The following ADGRB3 variants were observed in gnomAD, a reference collection of about 807,000 sequenced individuals.
ADGRB3 encodes the protein adhesion G protein-coupled receptor B3.
ADGRB3 carries 37 observed loss-of-function variants against 193.4 expected under a neutral mutation model. The ratio of observed to expected loss-of-function variants is 0.19; its 90% CI spans 0.15 to 0.25. The LOEUF (loss-of-function observed/expected upper bound fraction) is 0.25. ADGRB3 is among the 10% of genes least tolerant of loss of function. ADGRB3 has a pLI of 1.00. For synonymous variants in ADGRB3, 690 were observed against 644.2 expected, an observed-to-expected ratio of 1.07 and a Z score of -1.08; for missense variants, 1,637 against 1,852.9, an observed-to-expected ratio of 0.88 and a Z score of 2.14.
intron 3 of ADGRB3, among the ~76,000 whole-genome samples, chr6:68,719,609 C>T (rs546668901): frequency 2.1e-4 from 32 of 151,822 alleles, no homozygotes; most frequent in African/African-American, 6.5e-4. Context: ...TTTGGCTAAG[C>T]GCTCAATGTT....
In ADGRB3 at chr6:68,956,108, G is replaced by A. The variant is rs1768064024; in HGVS notation, c.1280G>A (p.Cys427Tyr). 1 of 1,613,906 alleles carries A rather than the reference G, an allele frequency of 6.2e-7. No homozygotes were observed. The highest frequency in any genetic ancestry group is 8.5e-7 in the Non-Finnish European group (1 of 1,179,974). The change falls in exon 7 of 32, where the codon TGC becomes TAC. Residue 427 changes from cysteine to tyrosine, a missense_variant. By Grantham distance (194) the Cys-to-Tyr change is radical (BLOSUM62 -2). Transcript: ENST00000370598. Reference protein sequence around the residue: ...SNGTQQRSRQCTAAAHGGSEC... With the variant: ...SNGTQQRSRQYTAAAHGGSEC... ...GGGACTCAGCAGAGAAGCCGGCAGTGCACTGCAGCTGCCCATGGAGGCTCC... is the reference window on the plus strand; with the variant it reads ...GGGACTCAGCAGAGAAGCCGGCAGTACACTGCAGCTGCCCATGGAGGCTCC...
intron 3 of ADGRB3, among the ~76,000 whole-genome samples, chr6:68,683,420 ATTTG>A (rs1407718157): frequency 1.3e-5 from 2 of 152,164 alleles, no homozygotes; most frequent in African/African-American, 4.8e-5. Flanking sequence ...GATTTGGAAA[ATTTG>A]TTTGCATCAT....
intron 20 of ADGRB3, among the ~76,000 whole-genome samples, chr6:69,256,937 C>G (rs1195012148): frequency 2.0e-5 from 3 of 151,672 alleles, no homozygotes; most frequent in African/African-American, 7.3e-5. Context: ...TGTCAAAGAC[C>G]TTTTCTGCAT....
At chr6:68,768,935 A>G (rs1227642386) in intron 3 of ADGRB3, among the ~76,000 whole-genome samples, 1 of 152,230 alleles carries the variant, frequency 6.6e-6, no homozygotes. Flanking sequence ...ACATACGAAA[A>G]AAAAGCTCAT....
chr6:69,283,985 G>C (rs960408950), intron 20 of ADGRB3, among the ~76,000 whole-genome samples: 1 of 152,118 alleles, frequency 6.6e-6, no homozygotes, highest in Non-Finnish European at 1.5e-5. Context: ...AAAAACAACC[G>C]TGACTCATGG....
chr6:68,844,950 T>G (rs569734134), intron 3 of ADGRB3, among the ~76,000 whole-genome samples: 1 of 152,128 alleles, frequency 6.6e-6, no homozygotes, highest in African/African-American at 2.4e-5. Flanking sequence ...CAGAGTAGAA[T>G]TATGGTTACC....
chr6:68,871,762 G>A (rs1340871925), intron 3 of ADGRB3, among the ~76,000 whole-genome samples: 1 of 152,014 alleles, frequency 6.6e-6, no homozygotes, highest in Non-Finnish European at 1.5e-5. Flanking sequence ...TACATAAAAA[G>A]AAATATTGAG....
chr6:68,772,897 ATATATAT>A (rs1766662670), intron 3 of ADGRB3, among the ~76,000 whole-genome samples: 7 of 12,340 alleles, frequency 5.7e-4, no homozygotes, highest in African/African-American at 2.1e-3. Context: ...AAAAAAAAAT[ATATATAT>A]ATATATATAT....
Position 68,774,606 on chromosome 6 carries a change from A to G in ADGRB3, c.757+135174A>G, listed in dbSNP as rs565911594. Among the ~76,000 whole-genome samples, 34 of 151,952 alleles carry G rather than the reference A, an allele frequency of 2.2e-4. 1 individual carries two copies. Among genetic ancestry groups the G allele is most frequent in the African/African-American group, 7.7e-4 (32 of 41,450 alleles). Reference sequence around the variant, plus strand: ...GTAGGTATTAGCATGCTGCCTTTTTATATTTATTGCTTTTTTCTTTCTTTT... The same window carrying G: ...GTAGGTATTAGCATGCTGCCTTTTTGTATTTATTGCTTTTTTCTTTCTTTT... On this transcript the variant is annotated intron_variant, in intron 3 of 31. Coordinates refer to ENST00000370598, the MANE Select transcript of ADGRB3 (RefSeq NM_001704.3).
At chr6:69,342,774 T>C (rs1769002203) in intron 26 of ADGRB3, among the ~76,000 whole-genome samples, 1 of 152,172 alleles carries the variant, frequency 6.6e-6, no homozygotes, top group African/African-American at 2.4e-5. Context: ...TAATTTATAA[T>C]TGGATCCTAG....
chr6:69,109,002 C>G (rs1253076766), intron 17 of ADGRB3, among the ~76,000 whole-genome samples: 1 of 152,124 alleles, frequency 6.6e-6, no homozygotes, highest in Non-Finnish European at 1.5e-5. Flanking sequence ...CACCAACACC[C>G]TACTAACTGG....
chr6:68,982,211 G>T lies in ADGRB3; in HGVS notation c.1734+6871G>T, dbSNP rs191834341. 7.6e-4 allele frequency among the ~76,000 whole-genome samples: 116 copies of T among 151,910 alleles called. 1 individual carries two copies. The East Asian group carries it at 0.02, about 26-fold the overall frequency. ...TACTTTGCTTTTCTTTTTGTCTGTC[G>T]TATCTCCTGGCCACTTTTCATATCC... On this transcript the variant is annotated intron_variant, in intron 10 of 31. Transcript: ENST00000370598.
chr6:69,055,789 T>C (rs923710654), intron 15 of ADGRB3, among the ~76,000 whole-genome samples: 1 of 150,710 alleles, frequency 6.6e-6, no homozygotes, highest in African/African-American at 2.4e-5. Context: ...ACATTTGTTA[T>C]GTTGTTTTTT....
intron 3 of ADGRB3, among the ~76,000 whole-genome samples, chr6:68,872,094 C>T (rs1463859810): frequency 6.6e-6 from 1 of 152,012 alleles, no homozygotes; most frequent in Non-Finnish European, 1.5e-5. Flanking sequence ...AGTGTGTAAA[C>T]AGACATGTAA....
At chr6:69,061,911 T>TA (rs2150307579) in intron 15 of ADGRB3, among the ~76,000 whole-genome samples, 1 of 152,110 alleles carries the variant, frequency 6.6e-6, no homozygotes, top group East Asian at 1.9e-4. Flanking sequence ...CATGGTAGTA[T>TA]ATTATCCAAA....
rs540103533 is a variant in ADGRB3 at position 68,754,739 on chromosome 6, T to A, written c.757+115307T>A. Among the ~76,000 whole-genome samples the A allele has an allele frequency of 8.9e-3, 1,343 of 150,416 alleles. 6 individuals carry two copies. Among genetic ancestry groups the A allele is most frequent in the Non-Finnish European group, 0.015 (1,020 of 67,622 alleles). ...GTCATGGGTGGAGAATAAGGAAATTTAAAAAAAAAAACAGCATTAGAAAGG... is the reference window on the plus strand; with the variant it reads ...GTCATGGGTGGAGAATAAGGAAATTAAAAAAAAAAAACAGCATTAGAAAGG... On this transcript the variant is annotated intron_variant, in intron 3 of 31. Transcript: ENST00000370598.
intron 3 of ADGRB3, among the ~76,000 whole-genome samples, chr6:68,727,711 C>CT (rs1276942376): frequency 1.3e-5 from 2 of 151,454 alleles, no homozygotes; most frequent in Admixed American, 6.6e-5. Context: ...GATTTATCCT[C>CT]CATGTGAAAT....
chr6:69,013,948 C>A (rs1770015740), intron 11 of ADGRB3, 90 bp from the exon 12 acceptor site: 1 of 766,608 alleles, frequency 1.3e-6, no homozygotes, highest in East Asian at 2.8e-5. Flanking sequence ...AGTGCTTATA[C>A]CTTTACCACG....
intron 3 of ADGRB3, among the ~76,000 whole-genome samples, chr6:68,855,885 G>A (rs866973217): frequency 5.3e-5 from 8 of 152,128 alleles, no homozygotes; most frequent in Non-Finnish European, 1.2e-4. Context: ...ATTAGGCAGT[G>A]ATATGGTTTG....
Sources: allele counts gnomAD v4.1 joint callset (sites outside exome capture counted in the v4.1 genomes callset), GRCh38; gene constraint gnomAD v4.1.1; transcripts MANE v1.5; gene names NCBI Gene and HGNC (gene_info 2026-07-23, HGNC 2026-07-21).